TEC: variants seen among roughly 807,000 people sequenced by gnomAD.
TEC encodes the protein tec protein tyrosine kinase, also known as tyrosine-protein kinase Tec.
A neutral mutation model predicts 93.0 loss-of-function variants in TEC; 72 were observed. The observed-to-expected ratio is 0.77, with a 90% CI of 0.64 to 0.94. The LOEUF (loss-of-function observed/expected upper bound fraction) is 0.94, where lower values mean the gene tolerates loss of function less well. TEC is among the 40% of genes least tolerant of loss of function. The pLI is 0.00. For synonymous variants in TEC, 249 were observed against 247.7 expected, an observed-to-expected ratio of 1.01 and a Z score of -0.05; for missense variants, 630 against 757.9, an observed-to-expected ratio of 0.83 and a Z score of 1.98.
intron 2 of TEC, among the ~76,000 whole-genome samples, chr4:48,221,800 GA>G (rs1196043869): frequency 6.6e-6 from 1 of 152,094 alleles, no homozygotes; most frequent in African/African-American, 2.4e-5. Context: ...TGGCTCCCCT[GA>G]CAACCAGATC....
chr4:48,210,909 G>C (rs1302871683), intron 2 of TEC, among the ~76,000 whole-genome samples: 2 of 152,054 alleles, frequency 1.3e-5, no homozygotes, highest in African/African-American at 4.8e-5. Context: ...AGACACAATG[G>C]GCAACAATGC....
chr4:48,186,060 T>C (rs574764870), intron 2 of TEC, among the ~76,000 whole-genome samples: 2 of 152,358 alleles, frequency 1.3e-5, no homozygotes, highest in East Asian at 1.9e-4. Flanking sequence ...GGTTTCGCCA[T>C]GTTGGCCGGG....
At chr4:48,236,992 C>A (rs556109138) in intron 1 of TEC, among the ~76,000 whole-genome samples, 1 of 152,030 alleles carries the variant, frequency 6.6e-6, no homozygotes, top group Non-Finnish European at 1.5e-5. Flanking sequence ...CTATATGCCC[C>A]ACAAATATGT....
intron 1 of TEC, among the ~76,000 whole-genome samples, chr4:48,260,811 T>G (rs1388361783): frequency 1.3e-5 from 2 of 152,186 alleles, no homozygotes; most frequent in African/African-American, 4.8e-5. Flanking sequence ...CCTTAATTAT[T>G]TTCTAGAACA....
intron 2 of TEC, among the ~76,000 whole-genome samples, chr4:48,194,893 A>ATTC (rs1722240811): frequency 1.3e-5 from 2 of 152,250 alleles, no homozygotes; most frequent in Non-Finnish European, 2.9e-5. Flanking sequence ...TATTCATTCA[A>ATTC]CTGGTGTTGC....
At chr4:48,265,513 ATATTTTT>A (rs1317914795) in intron 1 of TEC, among the ~76,000 whole-genome samples, 7 of 89,850 alleles carry the variant, frequency 7.8e-5, no homozygotes, top group East Asian at 2.7e-4. Context: ...ATATATATAT[ATATTTTT>A]TTTTTTTTTT....
intron 2 of TEC, among the ~76,000 whole-genome samples, chr4:48,191,472 C>T (rs1722090815): frequency 6.6e-6 from 1 of 152,010 alleles, no homozygotes; most frequent in Non-Finnish European, 1.5e-5. Context: ...TCACTTTCTC[C>T]TTAAGGATGA....
intron 7 of TEC, among the ~76,000 whole-genome samples, chr4:48,167,383 C>T (rs1577715862): frequency 6.6e-6 from 1 of 151,954 alleles, no homozygotes; most frequent in South Asian, 2.1e-4. Context: ...TATGCATACA[C>T]ACACGCACAT....
intron 1 of TEC, among the ~76,000 whole-genome samples, chr4:48,269,090 C>T (rs1184844006): frequency 1.8e-5 from 2 of 111,320 alleles, no homozygotes; most frequent in East Asian, 2.9e-4. Flanking sequence ...CACAACTTCC[C>T]GGGGCGAGGT....
At chr4:48,239,698 A>G (rs1204800932) in intron 1 of TEC, among the ~76,000 whole-genome samples, 1 of 152,184 alleles carries the variant, frequency 6.6e-6, no homozygotes, top group Non-Finnish European at 1.5e-5. Flanking sequence ...TAAAATAGGA[A>G]TGAAGAGTCC....
intron 2 of TEC, among the ~76,000 whole-genome samples, chr4:48,187,693 G>A (rs4695355): frequency 0.66 from 99,828 of 151,938 alleles, 32,819 homozygotes; most frequent in Admixed American, 0.75. Flanking sequence ...GTTTTATTAC[G>A]GTTGAAAGCA....
intron 1 of TEC, among the ~76,000 whole-genome samples, chr4:48,240,438 C>A (rs1723895894): frequency 6.6e-6 from 1 of 152,054 alleles, no homozygotes; most frequent in Non-Finnish European, 1.5e-5. Flanking sequence ...ACTGCCCTAC[C>A]TACCTCATCA....
Position 48,174,805 on chromosome 4 carries a change from TAGC to T in TEC, c.243+1274_243+1276del, listed in dbSNP as rs1721259057. On this transcript the variant is annotated intron_variant, in intron 3 of 17. Transcript: ENST00000381501. Reference sequence around the variant, plus strand: ...GGTGTAATATTAGGTGTAATATTAATAGCAGCAGCAGTAGTAAGAGAATAGCAA... The same window carrying T: ...GGTGTAATATTAGGTGTAATATTAATAGCAGCAGTAGTAAGAGAATAGCAA... Among the ~76,000 whole-genome samples, 2 of 152,194 alleles carry T rather than the reference TAGC, an allele frequency of 1.3e-5. 1 individual carries two copies. The highest frequency in any genetic ancestry group is 4.1e-4 in the South Asian group (2 of 4,832).
chr4:48,259,664 C>T (rs141988741), intron 1 of TEC, among the ~76,000 whole-genome samples: 3,245 of 148,622 alleles, frequency 0.022, 50 homozygotes, highest in South Asian at 0.041. Context: ...TGCAGTGAGT[C>T]GAGATCATGC....
chr4:48,154,797 G>A (rs978486586), intron 9 of TEC, among the ~76,000 whole-genome samples: 1 of 152,098 alleles, frequency 6.6e-6, no homozygotes, highest in Non-Finnish European at 1.5e-5. Context: ...GTTAAAACAA[G>A]GGTCTTAATA....
At chr4:48,251,081 G>A (rs912929805) in intron 1 of TEC, among the ~76,000 whole-genome samples, 3 of 152,094 alleles carry the variant, frequency 2.0e-5, no homozygotes, top group Non-Finnish European at 4.4e-5. Context: ...ACATAAATCA[G>A]TCTATGTCAT....
chr4:48,158,968 G>C (rs16861073), intron 8 of TEC, among the ~76,000 whole-genome samples: 2,458 of 152,046 alleles, frequency 0.016, 63 homozygotes, highest in African/African-American at 0.053. Context: ...AGACAGAAAG[G>C]AGGAAGGAGT....
At chr4:48,207,473 T>G (rs766558748) in intron 2 of TEC, among the ~76,000 whole-genome samples, 1 of 152,070 alleles carries the variant, frequency 6.6e-6, no homozygotes, top group Admixed American at 6.6e-5. Flanking sequence ...TTCAACATTA[T>G]AAAATAAACA....
intron 1 of TEC, among the ~76,000 whole-genome samples, chr4:48,262,838 C>G (rs1445633193): frequency 6.6e-6 from 1 of 152,172 alleles, no homozygotes; most frequent in Admixed American, 6.5e-5. Context: ...TTGTTGCACC[C>G]ACTCCATTGT....
Sources: gnomAD v4.1 joint callset for allele counts (sites outside exome capture counted in the v4.1 genomes callset) on GRCh38, gnomAD v4.1.1 for gene constraint, MANE v1.5 for transcripts, NCBI Gene and HGNC (gene_info 2026-07-23, HGNC 2026-07-21) for gene names.